The following APBB1IP variants were observed in gnomAD, a reference collection of about 807,000 sequenced individuals.
APBB1IP encodes the protein amyloid beta A4 precursor protein-binding family B member 1-interacting protein.
APBB1IP carries 27 observed loss-of-function variants against 64.9 expected under a neutral mutation model. The observed-to-expected ratio is 0.42, with a 90% CI of 0.31 to 0.57. The LOEUF is 0.57. Among genes scored for constraint, APBB1IP ranks in the 20% least tolerant of loss-of-function variants. The pLI is 0.20. For missense variants in APBB1IP, 812 were observed against 845.5 expected (o/e 0.96, Z 0.49); for synonymous variants, 392 against 331.0 (o/e 1.18, Z -2.00).
At chr10:26,463,264 C>A (rs952777404) in intron 2 of APBB1IP, among the ~76,000 whole-genome samples, 5 of 151,992 alleles carry the variant, frequency 3.3e-5, no homozygotes, top group Non-Finnish European at 5.9e-5. Context: ...ATAGTGAGAT[C>A]CCATCTTTAC....
At chr10:26,458,310 C>T (rs116293996) in intron 2 of APBB1IP, among the ~76,000 whole-genome samples, 4,154 of 152,132 alleles carry the variant, frequency 0.027, 189 homozygotes, top group African/African-American at 0.095. Context: ...GTCGCTTGAA[C>T]CTAGGAGGCG....
chr10:26,472,973 A>G (rs536504702), intron 2 of APBB1IP, among the ~76,000 whole-genome samples: 1 of 152,224 alleles, frequency 6.6e-6, no homozygotes, highest in African/African-American at 2.4e-5. Context: ...ATAACAGCAT[A>G]CAGTTATTCA....
At position 26,449,284 on chromosome 10, in the gene APBB1IP, GGT is replaced by G. The variant is rs577474436; in HGVS notation, c.-1+10438_-1+10439del. On this transcript the variant is annotated intron_variant, in intron 2 of 14. Transcript: ENST00000376236. ...AAGTAACCATCCCCTTGTGGACTTG[GGT>G]GTGTGTTTATGTTTGTGTGTGTATA... 5.9e-5 allele frequency among the ~76,000 whole-genome samples: 9 copies of G among 152,166 alleles called. No homozygotes were observed. In the South Asian group the frequency reaches 1.7e-3, roughly 28 times the overall value.
chr10:26,505,319 C>A (rs1588591906), intron 6 of APBB1IP, among the ~76,000 whole-genome samples: 1 of 152,254 alleles, frequency 6.6e-6, no homozygotes, highest in Non-Finnish European at 1.5e-5. Flanking sequence ...CCACTCATTC[C>A]AAACGTGCCC....
At chr10:26,488,751 C>T (rs1038460334) in intron 2 of APBB1IP, among the ~76,000 whole-genome samples, 1 of 152,220 alleles carries the variant, frequency 6.6e-6, no homozygotes, top group East Asian at 1.9e-4. Flanking sequence ...TCATCCGTCA[C>T]TGATGCTGTG....
intron 2 of APBB1IP, among the ~76,000 whole-genome samples, chr10:26,453,401 T>G (rs977902299): frequency 6.6e-6 from 1 of 152,202 alleles, no homozygotes; most frequent in Non-Finnish European, 1.5e-5. Flanking sequence ...ATATTTGCTC[T>G]GAGCTGGGAG....
At position 26,560,016 on chromosome 10, in the gene APBB1IP, T is replaced by G. The variant is rs180800810; in HGVS notation, c.1156-89T>G. ...TTGCCACATAAATCACATATATTGTTAGAGATTTTTTTTAAATTTCCTGAC... is the reference window on the plus strand; with the variant it reads ...TTGCCACATAAATCACATATATTGTGAGAGATTTTTTTTAAATTTCCTGAC... On this transcript the variant is annotated intron_variant, in intron 11 of 14. Transcript: ENST00000376236. 1.3e-5 allele frequency: 14 copies of G among 1,067,298 alleles called. No homozygotes were observed. In the African/African-American group the frequency reaches 1.9e-4, roughly 14 times the overall value. The allele number at this position is 1,067,298 out of a possible 1,614,324, so 66.1% of individuals were successfully genotyped here. A position where few individuals can be genotyped will look rare whatever the true frequency, so the allele number is the denominator to read the frequency against.
intron 3 of APBB1IP, among the ~76,000 whole-genome samples, chr10:26,494,987 A>ATTTC (rs368140204): frequency 2.0e-4 from 30 of 150,450 alleles, no homozygotes; most frequent in East Asian, 7.8e-4. Flanking sequence ...TGGCAACCAT[A>ATTTC]TTTCTTTCTT....
chr10:26,514,365 T>C (rs1323506694), intron 8 of APBB1IP, among the ~76,000 whole-genome samples: 3 of 152,216 alleles, frequency 2.0e-5, no homozygotes, highest in African/African-American at 7.2e-5. Flanking sequence ...TTGGTGCTTA[T>C]ATTTGCTAGG....
intron 2 of APBB1IP, among the ~76,000 whole-genome samples, chr10:26,447,431 G>A (rs989333866): frequency 6.6e-4 from 96 of 145,830 alleles, no homozygotes; most frequent in African/African-American, 2.4e-3. Context: ...CCAAATGGAA[G>A]AAAGATACGC....
intron 2 of APBB1IP, among the ~76,000 whole-genome samples, chr10:26,449,569 A>G (rs1564347724): frequency 6.6e-6 from 1 of 152,180 alleles, no homozygotes; most frequent in Non-Finnish European, 1.5e-5. Context: ...TTCTTTCTAA[A>G]TTCCAGTTGA....
chr10:26,527,482 G>C (rs935451325), intron 8 of APBB1IP, among the ~76,000 whole-genome samples: 8 of 151,318 alleles, frequency 5.3e-5, no homozygotes, highest in Non-Finnish European at 1.0e-4. Flanking sequence ...AGGAGTTCAA[G>C]GCTGCAGTGA....
intron 11 of APBB1IP, among the ~76,000 whole-genome samples, chr10:26,548,386 G>A (rs1206211713): frequency 7.1e-6 from 1 of 139,936 alleles, no homozygotes; most frequent in Admixed American, 7.9e-5. Context: ...CCCTTCCTGT[G>A]TCCATGTGTT....
At position 26,501,088 on chromosome 10, in the gene APBB1IP, C is replaced by T; in HGVS notation, c.430C>T (p.Pro144Ser). ...TGTGTTAGACCTTCCACTGCCACCA[C>T]CACCTCCTGAACCTCTCTCTCAGGT... ...DPVLDLPLPP[P>S]PPEPLSQEEE... is the part of the protein sequence containing the mutation. Residue 144 changes from proline (P) to serine (S), a missense_variant, in exon 5 of 15, where the codon CCA (proline) becomes TCA (serine). Physicochemically the swap from Pro to Ser is moderately conservative, Grantham distance 74 (BLOSUM62 -1). This residue lies in a region of APBB1IP where 394 missense variants were observed against 413.1 expected (regional missense o/e 0.95). Transcript: ENST00000376236. 6.2e-7 allele frequency: 1 copy of T among 1,614,200 alleles called. No individual in the cohort carries two copies. Among genetic ancestry groups the T allele is most frequent in the Non-Finnish European group, 8.5e-7 (1 of 1,180,020 alleles).
rs201374866 is a variant in APBB1IP, at chr10:26,438,458, AG to A, written c.-203+8del. On this transcript the variant is annotated splice_donor_region_variant and intron_variant, in intron 1 of 14. Coordinates refer to ENST00000376236, the MANE Select transcript of APBB1IP (RefSeq NM_019043.4). ...AGAGAAGGGCGCGCGCGGCACAGGT[AG>A]GGGGAGGCGCAACGTTTCCCAGAAT... 2 of 91,462 alleles carry A rather than the reference AG, an allele frequency of 2.2e-5. No homozygotes were observed. The highest frequency in any genetic ancestry group is 1.1e-4 in the Admixed American group (1 of 9,034). The allele number at this position is 91,462 out of a possible 1,614,324, so 5.7% of individuals were successfully genotyped here.
intron 6 of APBB1IP, among the ~76,000 whole-genome samples, chr10:26,511,263 A>G (rs531944436): frequency 6.6e-6 from 1 of 152,144 alleles, no homozygotes; most frequent in South Asian, 2.1e-4. Context: ...AGAATCACTC[A>G]AACCCAGGAA....
Position 26,560,144 on chromosome 10 carries a change from C to G in APBB1IP, c.1195C>G (p.Leu399Val), listed in dbSNP as rs1372976618. ...GAAGGAGTCCCAGTATATCAAGTATCTCTGCTGTGATGACACAAGAACCCT... is the reference window on the plus strand; with the variant it reads ...GAAGGAGTCCCAGTATATCAAGTATGTCTGCTGTGATGACACAAGAACCCT... ...IQKESQYIKY[L>V]CCDDTRTLNQ... Residue 399 changes from leucine (L) to valine (V), a missense_variant, in exon 12 of 15, where the codon CTC becomes GTC. Leu to Val is a conservative substitution (Grantham distance 32, BLOSUM62 1). Transcript: ENST00000376236. The G allele has an allele frequency of 6.2e-7, 1 of 1,614,172 alleles. No individual in the cohort carries two copies. Among genetic ancestry groups the G allele is most frequent in the Non-Finnish European group, 8.5e-7 (1 of 1,180,040 alleles).
intron 8 of APBB1IP, among the ~76,000 whole-genome samples, chr10:26,518,617 G>T (rs1836362702): frequency 6.6e-6 from 1 of 152,130 alleles, no homozygotes; most frequent in Non-Finnish European, 1.5e-5. Context: ...CCATTCTAGG[G>T]GTTTGTAGTG....
rs549663905 is a variant in APBB1IP at position 26,506,847 on chromosome 10, C to G, written c.531+3573C>G. 4.2e-4 allele frequency among the ~76,000 whole-genome samples: 64 copies of G among 152,170 alleles called. No individual in the cohort carries two copies. The South Asian group carries it at 0.013, about 31-fold the overall frequency. On this transcript the variant is annotated intron_variant, in intron 6 of 14. Transcript: ENST00000376236. ...GACTCTAGCTCTGAAGAAAATAAAC[C>G]AGGAAGAAGTGATAGAGAGTACCCA...
Sources: allele counts gnomAD v4.1 joint callset (sites outside exome capture counted in the v4.1 genomes callset), GRCh38; gene constraint gnomAD v4.1.1; regional missense constraint gnomAD v4.1.1; transcripts MANE v1.5; gene names NCBI Gene and HGNC (gene_info 2026-07-23, HGNC 2026-07-21).